The following MGAT4C variants were observed in gnomAD, a reference collection of about 807,000 sequenced individuals.
MGAT4C encodes the protein alpha-1,3-mannosyl-glycoprotein 4-beta-N-acetylglucosaminyltransferase C.
In MGAT4C, 19 loss-of-function variants were observed where a neutral mutation model predicts 40.1. That is an observed-to-expected ratio of 0.47 (90% CI 0.33 to 0.70). MGAT4C has a LOEUF of 0.70. MGAT4C is among the 30% of genes least tolerant of loss of function. The pLI is 0.02. For missense variants in MGAT4C, 491 were observed against 563.2 expected, an observed-to-expected ratio of 0.87 and a Z score of 1.30; for synonymous variants, 181 against 187.1, an observed-to-expected ratio of 0.97 and a Z score of 0.27.
rs192554522 is a variant in MGAT4C at position 86,826,247 on chromosome 12, T to C, written c.-262+12419A>G. 3.3e-5 allele frequency among the ~76,000 whole-genome samples: 5 copies of C among 151,552 alleles called. No individual in the cohort carries two copies. In the East Asian group the frequency reaches 7.8e-4, roughly 24 times the overall value. On this transcript the variant is annotated intron_variant, in intron 1 of 7. Transcript: ENST00000548651. Reference sequence around the variant, plus strand: ...TCCTGTGTTATGTGACTCCCCAGTATAGGCATCCAAATAAAACTGATTAGA... The same window carrying C: ...TCCTGTGTTATGTGACTCCCCAGTACAGGCATCCAAATAAAACTGATTAGA...
intron 2 of MGAT4C, among the ~76,000 whole-genome samples, chr12:86,046,879 C>T (rs542517447): frequency 5.9e-5 from 9 of 152,148 alleles, no homozygotes; most frequent in East Asian, 3.9e-4. Context: ...GAATCATACA[C>T]GAAAGAAATT....
chr12:86,039,805 CT>C (rs1891626623), intron 2 of MGAT4C, among the ~76,000 whole-genome samples: 1 of 152,156 alleles, frequency 6.6e-6, no homozygotes, highest in Admixed American at 6.5e-5. Flanking sequence ...AAGAGGGGTT[CT>C]GGTTTTTGTA....
At chr12:86,278,514 A>G (rs932572266) in intron 4 of MGAT4C, among the ~76,000 whole-genome samples, 2 of 151,924 alleles carry the variant, frequency 1.3e-5, no homozygotes, top group African/African-American at 4.8e-5. Flanking sequence ...CACTGTTGGC[A>G]TACAGAAATG....
Position 86,811,028 on chromosome 12 carries a change from A to AGCAATGTAAGCACTTC in MGAT4C, c.-262+27637_-262+27638insGAAGTGCTTACATTGC, listed in dbSNP as rs1566006314. Among the ~76,000 whole-genome samples the AGCAATGTAAGCACTTC allele has an allele frequency of 2.3e-3, 190 of 83,994 alleles. 4 individuals are homozygous for AGCAATGTAAGCACTTC. The highest frequency in any genetic ancestry group is 2.6e-3 in the Non-Finnish European group (85 of 32,380). The allele number at this position is 83,994 out of a possible 152,430, so 55.1% of individuals were successfully genotyped here. Reference sequence around the variant, plus strand: ...TTTTGATTTGAGACTAGTCCTTGTCAAAGATTTTATATTTGACATAAACTA... The same window carrying AGCAATGTAAGCACTTC: ...TTTTGATTTGAGACTAGTCCTTGTCAGCAATGTAAGCACTTCAAGATTTTATATTTGACATAAACTA... On this transcript the variant is annotated intron_variant, in intron 1 of 7. Coordinates refer to the MGAT4C transcript ENST00000548651.
intron 1 of MGAT4C, among the ~76,000 whole-genome samples, chr12:86,134,801 G>A (rs1325864305): frequency 6.6e-6 from 1 of 152,112 alleles, no homozygotes; most frequent in African/African-American, 2.4e-5. Flanking sequence ...GATCTCTAAG[G>A]CTGGGATGAT....
chr12:86,758,316 T>C (rs1951341482), intron 1 of MGAT4C, among the ~76,000 whole-genome samples: 1 of 151,892 alleles, frequency 6.6e-6, no homozygotes, highest in Admixed American at 6.6e-5. Flanking sequence ...CAAAGGAATT[T>C]TGATAAGCTG....
At chr12:86,354,210 T>A (rs1204410563) in intron 3 of MGAT4C, among the ~76,000 whole-genome samples, 3 of 152,176 alleles carry the variant, frequency 2.0e-5, no homozygotes, top group African/African-American at 7.2e-5. Context: ...TCATTCAGTC[T>A]GAACCTCATC....
intron 2 of MGAT4C, among the ~76,000 whole-genome samples, chr12:86,004,036 C>T (rs1887624474): frequency 6.6e-6 from 1 of 152,000 alleles, no homozygotes; most frequent in Non-Finnish European, 1.5e-5. Context: ...TACAGTGTTG[C>T]CTTTTCAAAA....
chr12:86,362,111 A>G (rs2136202746), intron 3 of MGAT4C, among the ~76,000 whole-genome samples: 1 of 152,358 alleles, frequency 6.6e-6, no homozygotes, highest in Non-Finnish European at 1.5e-5. Flanking sequence ...GATAGACTGG[A>G]TTAAGAAAAT....
intron 2 of MGAT4C, among the ~76,000 whole-genome samples, chr12:85,995,759 T>C (rs1308255845): frequency 6.6e-6 from 1 of 152,080 alleles, no homozygotes; most frequent in Non-Finnish European, 1.5e-5. Context: ...TCCCAGCTAC[T>C]TGGGAGACTG....
chr12:86,547,511 G>A (rs1342890280), intron 2 of MGAT4C, among the ~76,000 whole-genome samples: 1 of 151,946 alleles, frequency 6.6e-6, no homozygotes, highest in Non-Finnish European at 1.5e-5. Flanking sequence ...AAAATGCCTG[G>A]TTCATAGCAT....
At chr12:86,431,313 G>A (rs1957034777) in intron 3 of MGAT4C, among the ~76,000 whole-genome samples, 1 of 152,096 alleles carries the variant, frequency 6.6e-6, no homozygotes, top group Non-Finnish European at 1.5e-5. Context: ...GACCTGGGTG[G>A]TTTAGCCATA....
chr12:86,276,878 T>C (rs1953092208), intron 4 of MGAT4C, among the ~76,000 whole-genome samples: 1 of 152,236 alleles, frequency 6.6e-6, no homozygotes, highest in South Asian at 2.1e-4. Context: ...CTATTATAAA[T>C]AGTGCTGCAA....
chr12:86,405,620 T>C (rs1956449482), intron 3 of MGAT4C, among the ~76,000 whole-genome samples: 1 of 151,752 alleles, frequency 6.6e-6, no homozygotes. Flanking sequence ...TATATAAAAT[T>C]CATACAGTGA....
chr12:86,087,646 T>C (rs892795304), intron 1 of MGAT4C, among the ~76,000 whole-genome samples: 3 of 151,896 alleles, frequency 2.0e-5, no homozygotes, highest in African/African-American at 7.3e-5. Flanking sequence ...GTTCACAGTA[T>C]GCACAAAAAT....
At chr12:86,287,437 T>A (rs937222865) in intron 4 of MGAT4C, among the ~76,000 whole-genome samples, 1 of 151,970 alleles carries the variant, frequency 6.6e-6, no homozygotes. Flanking sequence ...AAACGTGCCA[T>A]GGTGGTTTGC....
At chr12:86,293,835 T>C (rs1054011360) in intron 4 of MGAT4C, among the ~76,000 whole-genome samples, 1 of 152,156 alleles carries the variant, frequency 6.6e-6, no homozygotes, top group Non-Finnish European at 1.5e-5. Flanking sequence ...TCCATCCTCC[T>C]GACCTGTGAA....
At chr12:86,179,742 C>G (rs1887900522) in intron 1 of MGAT4C, among the ~76,000 whole-genome samples, 1 of 152,162 alleles carries the variant, frequency 6.6e-6, no homozygotes, top group South Asian at 2.1e-4. Flanking sequence ...GATGAAATTT[C>G]TAAGGAGCAA....
At position 86,493,313 on chromosome 12, in the gene MGAT4C, C is replaced by G. The variant is rs1469084243; in HGVS notation, c.-228-58048G>C. ...CATTACTGGGTATATACCCAAAGGA[C>G]TATAAATCATGCTGCTATAAAGACA... is the stretch of plus-strand genomic sequence containing the variant. On this transcript the variant is annotated intron_variant, in intron 2 of 7. Transcript: ENST00000548651. 3.2e-3 allele frequency among the ~76,000 whole-genome samples: 486 copies of G among 151,868 alleles called. 2 individuals are homozygous for G. Among genetic ancestry groups the G allele is most frequent in the African/African-American group, 0.011 (468 of 41,268 alleles).
Sources: allele counts gnomAD v4.1 joint callset (sites outside exome capture counted in the v4.1 genomes callset), GRCh38; gene constraint gnomAD v4.1.1; transcripts MANE v1.5; gene names NCBI Gene and HGNC (gene_info 2026-07-23, HGNC 2026-07-21).